Variants in RFX4 observed in about 807,000 individuals in gnomAD.
RFX4 encodes the protein transcription factor RFX4.
Under a neutral mutation model 95.0 loss-of-function variants are expected in RFX4, and 10 were observed. The ratio of observed to expected loss-of-function variants is 0.11; its 90% confidence interval spans 0.06 to 0.18. The LOEUF is 0.18. Ranked by LOEUF, RFX4 falls within the 10% of genes least tolerant of loss-of-function variation. The probability of loss-of-function intolerance (pLI) is 1.00; values close to 1 mark genes in which losing one functional copy is unlikely to be tolerated. For missense variants in RFX4, 640 were observed against 922.0 expected, an observed-to-expected ratio of 0.69 and a Z score of 3.96; for synonymous variants, 321 against 340.7, an observed-to-expected ratio of 0.94 and a Z score of 0.64.
chr12:106,717,209 C>T lies in RFX4; in HGVS notation c.1138+1665C>T, dbSNP rs968729659. ...AACTCCCAATGGGCCAGGCACAGAG[C>T]AGGTGTCCAGCAAGATTCATGGAAT... On this transcript the variant is annotated intron_variant, in intron 11 of 17. Coordinates refer to ENST00000392842, the MANE Select transcript of RFX4 (RefSeq NM_213594.3). 3.9e-5 allele frequency among the ~76,000 whole-genome samples: 6 copies of T among 152,144 alleles called. No individual in the cohort carries two copies. In the East Asian group the frequency reaches 9.7e-4, roughly 25 times the overall value.
In RFX4 at chr12:106,585,308, C is replaced by T. The variant is rs568338886; in HGVS notation, c.43+1945C>T. 1.4e-3 allele frequency among the ~76,000 whole-genome samples: 218 copies of T among 152,306 alleles called. 1 individual carries two copies. Among genetic ancestry groups the T allele is most frequent in the Non-Finnish European group, 2.3e-3 (159 of 68,024 alleles). ...TCGATGCAACTGGTGCTCGTGGGGGCACCGGGTCCTCTTCACCTCAACTGC... is the reference window on the plus strand; with the variant it reads ...TCGATGCAACTGGTGCTCGTGGGGGTACCGGGTCCTCTTCACCTCAACTGC... On this transcript the variant is annotated intron_variant, in intron 1 of 17. Coordinates refer to ENST00000392842, the MANE Select transcript of RFX4 (RefSeq NM_213594.3).
chr12:106,735,357 G>T (rs370743253), intron 15 of RFX4, among the ~76,000 whole-genome samples: 1 of 152,054 alleles, frequency 6.6e-6, no homozygotes, highest in Admixed American at 6.6e-5. Flanking sequence ...TAGAGAGAAA[G>T]TGAAGATGTA....
At chr12:106,707,335 G>T (rs1283775209) in intron 8 of RFX4, among the ~76,000 whole-genome samples, 1 of 152,140 alleles carries the variant, frequency 6.6e-6, no homozygotes, top group African/African-American at 2.4e-5. Flanking sequence ...CAGTGAATCT[G>T]CACAGATGGG....
intron 3 of RFX4, among the ~76,000 whole-genome samples, chr12:106,648,889 G>A (rs1369732994): frequency 1.3e-5 from 2 of 152,208 alleles, no homozygotes; most frequent in Non-Finnish European, 1.5e-5. Context: ...GTAAAGTGCT[G>A]ATACAAAGCT....
chr12:106,714,068 C>CAAAAAAAAAAAAA (rs58283896), intron 10 of RFX4, among the ~76,000 whole-genome samples: 1,310 of 30,494 alleles, frequency 0.043, 220 homozygotes, highest in Non-Finnish European at 0.057. Flanking sequence ...AACTCCATCT[C>CAAAAAAAAAAAAA]AAAAAAAAAA....
In RFX4 at chr12:106,748,478, T is replaced by C. The variant is rs115098511; in HGVS notation, c.1796+879T>C. 7.6e-3 allele frequency among the ~76,000 whole-genome samples: 1,161 copies of C among 152,340 alleles called. 14 individuals are homozygous for C. Among genetic ancestry groups the C allele is most frequent in the African/African-American group, 0.027 (1,120 of 41,564 alleles). On this transcript the variant is annotated intron_variant, in intron 16 of 17. Transcript: ENST00000392842. Reference sequence around the variant, plus strand: ...AAAAATGCATCATTTGTTTTGCCCATATTTTTTTCTTTTTCAAATACGTGG... The same window carrying C: ...AAAAATGCATCATTTGTTTTGCCCACATTTTTTTCTTTTTCAAATACGTGG...
chr12:106,694,895 G>A (rs2041850961), intron 7 of RFX4, among the ~76,000 whole-genome samples: 1 of 152,060 alleles, frequency 6.6e-6, no homozygotes, highest in South Asian at 2.1e-4. Flanking sequence ...ATATTCGCCA[G>A]GTGTGGTGGC....
intron 1 of RFX4, among the ~76,000 whole-genome samples, chr12:106,589,334 G>A (rs2039506074): frequency 1.3e-5 from 2 of 152,172 alleles, no homozygotes; most frequent in African/African-American, 4.8e-5. Context: ...CTACTGTCGA[G>A]GACTTCAGAA....
Position 106,583,223 on chromosome 12 carries a change from TCCC to T in RFX4, c.-97_-95del. 1 of 782,864 alleles carries T rather than the reference TCCC, an allele frequency of 1.3e-6. No homozygotes were observed. Among genetic ancestry groups the T allele is most frequent in the Non-Finnish European group, 2.0e-6 (1 of 509,262 alleles). The allele number at this position is 782,864 out of a possible 1,614,324, so 48.5% of individuals were successfully genotyped here. On this transcript the variant is annotated 5_prime_UTR_variant, in exon 1 of 18. Transcript: ENST00000392842. ...TTCTGCGTCTCTCTCTCTCCCCTTC[TCCC>T]TCCCTCCCTCCCTTCCTCCCTGGGC...
intron 3 of RFX4, among the ~76,000 whole-genome samples, chr12:106,641,082 A>G (rs1565960581): frequency 1.3e-5 from 2 of 152,192 alleles, no homozygotes; most frequent in Non-Finnish European, 2.9e-5. Context: ...TGCCTGGCCA[A>G]CAAACATTCT....
At chr12:106,665,858 A>G (rs2041166466) in intron 4 of RFX4, among the ~76,000 whole-genome samples, 1 of 152,020 alleles carries the variant, frequency 6.6e-6, no homozygotes, top group African/African-American at 2.4e-5. Flanking sequence ...TGATATACAC[A>G]TATAATCAAG....
chr12:106,597,361 G>A (rs774659577), intron 1 of RFX4, among the ~76,000 whole-genome samples: 6 of 152,166 alleles, frequency 3.9e-5, no homozygotes, highest in Admixed American at 6.5e-5. Flanking sequence ...TCTTTCTGGC[G>A]TCCAAGGCCA....
At chr12:106,685,526 T>TTA (rs2041626637) in intron 5 of RFX4, among the ~76,000 whole-genome samples, 1 of 152,122 alleles carries the variant, frequency 6.6e-6, no homozygotes, top group African/African-American at 2.4e-5. Context: ...CTGATGTGCT[T>TTA]TAGAATTACC....
At chr12:106,611,090 A>G (rs149434479) in intron 2 of RFX4, among the ~76,000 whole-genome samples, 52 of 152,218 alleles carry the variant, frequency 3.4e-4, no homozygotes, top group African/African-American at 1.3e-3. Context: ...ACATCTTTTC[A>G]TGTGCTTATT....
At chr12:106,624,956 C>T (rs2040262648) in intron 2 of RFX4, among the ~76,000 whole-genome samples, 2 of 152,168 alleles carry the variant, frequency 1.3e-5, no homozygotes, top group African/African-American at 2.4e-5. Context: ...AGATTCTACC[C>T]ACTGAGAGGA....
At chr12:106,629,953 C>T (rs1020464149) in intron 2 of RFX4, among the ~76,000 whole-genome samples, 1 of 152,144 alleles carries the variant, frequency 6.6e-6, no homozygotes, top group Admixed American at 6.5e-5. Flanking sequence ...CAGAGTTGTG[C>T]GGTTGTGATT....
chr12:106,731,906 G>A (rs1205719460), intron 13 of RFX4, among the ~76,000 whole-genome samples: 1 of 152,294 alleles, frequency 6.6e-6, no homozygotes, highest in Middle Eastern at 3.4e-3. Flanking sequence ...AGATTCACTT[G>A]CCACAAAGTG....
At chr12:106,625,893 A>G (rs1028419683) in intron 2 of RFX4, among the ~76,000 whole-genome samples, 2 of 152,216 alleles carry the variant, frequency 1.3e-5, no homozygotes, top group South Asian at 2.1e-4. Flanking sequence ...GACTTGTTCA[A>G]TGTCATAGCA....
intron 8 of RFX4, among the ~76,000 whole-genome samples, chr12:106,707,434 A>AT (rs1392715660): frequency 6.6e-6 from 1 of 152,160 alleles, no homozygotes; most frequent in Non-Finnish European, 1.5e-5. Context: ...AGGACTAGAC[A>AT]TGAAGAACTG....
Sources: allele counts gnomAD v4.1 joint callset (sites outside exome capture counted in the v4.1 genomes callset), GRCh38; gene constraint gnomAD v4.1.1; transcripts MANE v1.5; gene names NCBI Gene and HGNC (gene_info 2026-07-23, HGNC 2026-07-21).